Variants in B3GALNT2 observed in about 807,000 individuals in gnomAD.
B3GALNT2 encodes the protein UDP-GalNAc:beta-1,3-N-acetylgalactosaminyltransferase 2.
In B3GALNT2, 53 loss-of-function variants were observed where a neutral mutation model predicts 61.1. That is an observed-to-expected ratio of 0.87 (90% CI 0.70 to 1.09). The LOEUF (loss-of-function observed/expected upper bound fraction) is 1.09, where lower values mean the gene tolerates loss of function less well. Among genes scored for constraint, B3GALNT2 ranks in the 50% least tolerant of loss-of-function variants. The pLI, the probability that B3GALNT2 is intolerant of heterozygous loss-of-function variation, is 0.00. For synonymous variants in B3GALNT2, 223 were observed against 237.4 expected, an observed-to-expected ratio of 0.94 and a Z score of 0.56; for missense variants, 544 against 623.0, an observed-to-expected ratio of 0.87 and a Z score of 1.35.
At chr1:235,466,210 TTTTTTAA>T (rs1683687640) in intron 6 of B3GALNT2, among the ~76,000 whole-genome samples, 1 of 148,740 alleles carries the variant, frequency 6.7e-6, no homozygotes, top group Non-Finnish European at 1.5e-5. Flanking sequence ...AAAAAAATTT[TTTTTTAA>T]TTTTTAATTT....
At chr1:235,464,213 CA>C (rs1353081808) in intron 7 of B3GALNT2, 2 of 152,156 alleles carry the variant, frequency 1.3e-5, no homozygotes, top group East Asian at 3.8e-4. Context: ...AAACATGTGA[CA>C]AAATTGGACT....
At chr1:235,445,529 G>C (rs1205415310), downstream of B3GALNT2, among the ~76,000 whole-genome samples, 1 of 152,142 alleles carries the variant, frequency 6.6e-6, no homozygotes, top group Non-Finnish European at 1.5e-5. Context: ...CCAGCTGCTT[G>C]GGCGGCTGAG....
At chr1:235,471,069 T>C (rs1683981090) in intron 5 of B3GALNT2, 109 bp from the exon 6 acceptor site, 12 of 1,512,006 alleles carry the variant, frequency 7.9e-6, no homozygotes, top group Non-Finnish European at 9.7e-6. Context: ...AAACGTATCA[T>C]TTAAAATTTT....
downstream of B3GALNT2, among the ~76,000 whole-genome samples, chr1:235,446,998 C>A (rs935020286): frequency 6.6e-6 from 1 of 152,042 alleles, no homozygotes; most frequent in Non-Finnish European, 1.5e-5. Flanking sequence ...GTTTTATGAC[C>A]AAACTTTTTG....
chr1:235,495,723 T>TA (rs1685289003), intron 1 of B3GALNT2, among the ~76,000 whole-genome samples: 2 of 152,186 alleles, frequency 1.3e-5, no homozygotes, highest in Non-Finnish European at 2.9e-5. Context: ...AGCTTATATA[T>TA]AGCTCTGATG....
chr1:235,479,582 C>CCG, intron 5 of B3GALNT2: 1 of 155,452 alleles, frequency 6.4e-6, no homozygotes, highest in Admixed American at 6.2e-5. Flanking sequence ...CATTTTCAGG[C>CCG]TATCATCCAC....
intron 1 of B3GALNT2, among the ~76,000 whole-genome samples, chr1:235,496,907 TGGCTG>T (rs1352236417): frequency 6.6e-6 from 1 of 152,136 alleles, no homozygotes; most frequent in Non-Finnish European, 1.5e-5. Flanking sequence ...AGCTTGGAAA[TGGCTG>T]GGCTAAGATT....
At chr1:235,492,678 G>A (rs947787742) in intron 2 of B3GALNT2, among the ~76,000 whole-genome samples, 2 of 152,168 alleles carry the variant, frequency 1.3e-5, no homozygotes, top group Non-Finnish European at 2.9e-5. Flanking sequence ...ACAGATGCCA[G>A]CTGGTGATAA....
intron 9 of B3GALNT2, 112 bp downstream of exon 9, chr1:235,455,447 T>G: frequency 2.6e-6 from 3 of 1,151,606 alleles, no homozygotes. Context: ...AGGAGTCTAG[T>G]ACGAAATTGT....
At chr1:235,482,484 T>G (rs893407172) in intron 4 of B3GALNT2, among the ~76,000 whole-genome samples, 1 of 151,820 alleles carries the variant, frequency 6.6e-6, no homozygotes, top group Non-Finnish European at 1.5e-5. Context: ...GAAATACACA[T>G]ACAAGGCAGA....
intron 1 of B3GALNT2, among the ~76,000 whole-genome samples, chr1:235,495,893 T>C (rs1685296742): frequency 6.6e-6 from 1 of 152,242 alleles, no homozygotes. Flanking sequence ...ACCAGGTTGA[T>C]ATTTTCTTCA....
intron 4 of B3GALNT2, among the ~76,000 whole-genome samples, chr1:235,482,178 C>T (rs973326445): frequency 4.6e-5 from 7 of 152,078 alleles, no homozygotes; most frequent in Admixed American, 1.3e-4. Flanking sequence ...GGAATTCAAA[C>T]AAACAGGCAG....
At chr1:235,493,047 G>T (rs1025477787) in intron 2 of B3GALNT2, among the ~76,000 whole-genome samples, 1 of 152,182 alleles carries the variant, frequency 6.6e-6, no homozygotes, top group African/African-American at 2.4e-5. Flanking sequence ...TCTGGCTGCT[G>T]TATGGAAAAT....
chr1:235,470,903 T>TC lies in B3GALNT2; in HGVS notation c.708_709insG (p.Asn237GlufsTer9). On this transcript the variant is annotated frameshift_variant, in exon 6 of 12. Coordinates refer to ENST00000366600, the MANE Select transcript of B3GALNT2 (RefSeq NM_152490.5). LOFTEE classifies it high-confidence loss of function. ...TCATTCACTGTCACTTTGTGGAGAT[T>TC]TCTTGACACAAGGCCGTGGAGGTCT... The TC allele has an allele frequency of 1.9e-6, 3 of 1,614,150 alleles. No homozygotes were observed. The South Asian group carries it at 3.3e-5, about 18-fold the overall frequency.
Position 235,454,303 on chromosome 1 carries a change from A to G in B3GALNT2, c.1164T>C (p.Asn388=). The change falls in exon 10 of 12, where the codon AAT becomes AAC. Residue 388 remains asparagine, a synonymous_variant. Coordinates refer to ENST00000366600, the MANE Select transcript of B3GALNT2 (RefSeq NM_152490.5). ...ACTTTCCGGTTCGGTCAACTGCCCA[A>G]TTCAGTCTGAAACTGAGATGAAAAA... The part of the protein sequence containing the change: ...PNFWWGNFRL[N]WAVDRTGKWQ... The G allele has an allele frequency of 6.2e-7, 1 of 1,611,474 alleles. No individual in the cohort carries two copies. Among genetic ancestry groups the G allele is most frequent in the Non-Finnish European group, 8.5e-7 (1 of 1,178,472 alleles).
chr1:235,487,725 T>A (rs747086101), intron 3 of B3GALNT2, among the ~76,000 whole-genome samples: 1 of 152,186 alleles, frequency 6.6e-6, no homozygotes, highest in Non-Finnish European at 1.5e-5. Flanking sequence ...TAAAAACTTA[T>A]CAACTTCCTA....
intron 1 of B3GALNT2, among the ~76,000 whole-genome samples, chr1:235,499,878 T>C (rs960701536): frequency 1.3e-5 from 2 of 152,136 alleles, no homozygotes. Context: ...TGACCTTTAA[T>C]AAAAGAAGGT....
chr1:235,496,543 G>GTT (rs1685331330), intron 1 of B3GALNT2, among the ~76,000 whole-genome samples: 1 of 145,098 alleles, frequency 6.9e-6, no homozygotes, highest in Non-Finnish European at 1.5e-5. Flanking sequence ...GTAGGTACTT[G>GTT]TTTCTTTTTT....
intron 7 of B3GALNT2, among the ~76,000 whole-genome samples, chr1:235,463,013 G>GTATA (rs374406213): frequency 4.0e-5 from 6 of 151,250 alleles, no homozygotes; most frequent in East Asian, 1.9e-4. Context: ...AGAAAATGTG[G>GTATA]TATATATATA....
Sources: allele counts gnomAD v4.1 joint callset (sites outside exome capture counted in the v4.1 genomes callset), GRCh38; gene constraint gnomAD v4.1.1; transcripts MANE v1.5; gene names NCBI Gene and HGNC (gene_info 2026-07-23, HGNC 2026-07-21).